KPNA5: variants seen among roughly 807,000 people sequenced by gnomAD.
KPNA5 encodes the protein karyopherin subunit alpha 5, also known as importin subunit alpha-6.
Under a neutral mutation model 71.3 loss-of-function variants are expected in KPNA5, and 46 were observed. That is an observed-to-expected ratio of 0.65 (90% confidence interval 0.51 to 0.83). The LOEUF (loss-of-function observed/expected upper bound fraction) is 0.83. Ranked by LOEUF, KPNA5 falls within the 40% of genes least tolerant of loss-of-function variation. The pLI, the probability that KPNA5 is intolerant of heterozygous loss-of-function variation, is 0.00. For missense variants in KPNA5, 547 were observed against 628.3 expected (o/e 0.87, Z 1.38); for synonymous variants, 207 against 201.4 (o/e 1.03, Z -0.24).
chr6:116,713,857 G>A (rs1778792335), intron 7 of KPNA5, among the ~76,000 whole-genome samples: 1 of 152,054 alleles, frequency 6.6e-6, no homozygotes, highest in Non-Finnish European at 1.5e-5. Context: ...TATACTTACA[G>A]CTTCATAATT....
At chr6:116,714,417 C>G (rs577284573) in intron 7 of KPNA5, among the ~76,000 whole-genome samples, 6 of 152,278 alleles carry the variant, frequency 3.9e-5, no homozygotes, top group Admixed American at 3.9e-4. Context: ...ATTGAGCCAC[C>G]TCTTCAATTC....
intron 5 of KPNA5, among the ~76,000 whole-genome samples, chr6:116,699,720 T>C (rs1246752432): frequency 6.6e-6 from 1 of 152,218 alleles, no homozygotes; most frequent in African/African-American, 2.4e-5. Flanking sequence ...TGAAATCTGG[T>C]TCCATTCCTT....
chr6:116,697,057 T>G (rs1268308185), intron 4 of KPNA5, among the ~76,000 whole-genome samples: 1 of 152,020 alleles, frequency 6.6e-6, no homozygotes, highest in Non-Finnish European at 1.5e-5. Context: ...CTTCCTTCTC[T>G]CTCATCTCTT....
chr6:116,693,181 T>C (rs1171090456), intron 4 of KPNA5, among the ~76,000 whole-genome samples: 1 of 152,206 alleles, frequency 6.6e-6, no homozygotes, highest in Non-Finnish European at 1.5e-5. Context: ...TTGTGAATAG[T>C]GCCGCAATGA....
intron 11 of KPNA5, among the ~76,000 whole-genome samples, 153 bp from the exon 12 acceptor site, chr6:116,726,342 A>G (rs1779286070): frequency 6.6e-6 from 1 of 152,034 alleles, no homozygotes; most frequent in African/African-American, 2.4e-5. Context: ...AATATTTGAA[A>G]AGTTTGCTGA....
Position 116,722,109 on chromosome 6 carries a change from T to C in KPNA5, c.757-17T>C. 3 of 1,470,100 alleles carry C rather than the reference T, an allele frequency of 2.0e-6. No homozygotes were observed. The highest frequency in any genetic ancestry group is 1.4e-5 in the African/African-American group (1 of 70,798). The allele number at this position is 1,470,100 out of a possible 1,614,324, so 91.1% of individuals were successfully genotyped here. On this transcript the variant is annotated splice_polypyrimidine_tract_variant and intron_variant, in intron 8 of 13. Coordinates refer to ENST00000368564, the MANE Select transcript of KPNA5 (RefSeq NM_001366306.2). ...AAATAGAGAAAAAATTTAAATATGC[T>C]CTTTCTTCCCTTACAGGTTTCACCT...
At chr6:116,732,071 T>G (rs1779502556) in intron 13 of KPNA5, 65 bp from the exon 14 acceptor site, 1 of 117,870 alleles carries the variant, frequency 8.5e-6, no homozygotes. Flanking sequence ...AGTAACAGTT[T>G]GTTTATATAT....
intron 9 of KPNA5, among the ~76,000 whole-genome samples, chr6:116,723,147 T>A (rs764494986): frequency 2.0e-5 from 3 of 152,066 alleles, no homozygotes; most frequent in Non-Finnish European, 2.9e-5. Context: ...TTGGCTGATA[T>A]AGGGAGGTTA....
At chr6:116,685,412 T>C (rs1258567380) in intron 1 of KPNA5, among the ~76,000 whole-genome samples, 1 of 152,130 alleles carries the variant, frequency 6.6e-6, no homozygotes, top group Admixed American at 6.5e-5. Context: ...CAATAGTTAT[T>C]TTTTCTGCAT....
chr6:116,685,588 C>G (rs540048817), intron 1 of KPNA5, among the ~76,000 whole-genome samples: 2 of 152,264 alleles, frequency 1.3e-5, no homozygotes, highest in South Asian at 2.1e-4. Context: ...TCCTCTAGCT[C>G]CATTCATGTT....
At chr6:116,699,799 A>G (rs1310740761) in intron 5 of KPNA5, among the ~76,000 whole-genome samples, 1 of 152,176 alleles carries the variant, frequency 6.6e-6, no homozygotes, top group African/African-American at 2.4e-5. Flanking sequence ...TTTAATTCCA[A>G]TTGAATGAAA....
intron 7 of KPNA5, among the ~76,000 whole-genome samples, chr6:116,706,691 G>GATA (rs941409504): frequency 1.3e-5 from 2 of 151,662 alleles, no homozygotes; most frequent in Admixed American, 6.6e-5. Context: ...CTCCATTTCA[G>GATA]ATAATAATAA....
rs1359409490 is a variant in KPNA5 at position 116,733,432 on chromosome 6, CT to C, written c.*1115del. 1 of 151,510 alleles carries C rather than the reference CT, an allele frequency of 6.6e-6. No homozygotes were observed. Among genetic ancestry groups the C allele is most frequent in the Non-Finnish European group, 1.5e-5 (1 of 67,678 alleles). 9.4% of individuals were successfully genotyped at this position (151,510 alleles called of 1,614,324 possible). ...TTTAATATGGTTCAAATCTATAAGA[CT>C]TTTTTCTTTTAGTAATACTCAGAGG... On this transcript the variant is annotated 3_prime_UTR_variant, in exon 14 of 14. Coordinates refer to ENST00000368564, the MANE Select transcript of KPNA5 (RefSeq NM_001366306.2).
intron 8 of KPNA5, among the ~76,000 whole-genome samples, chr6:116,719,140 C>T (rs1047798345): frequency 6.6e-6 from 1 of 152,184 alleles, no homozygotes; most frequent in African/African-American, 2.4e-5. Flanking sequence ...TTGTCTTGCT[C>T]TCTGGTTGCT....
intron 10 of KPNA5, among the ~76,000 whole-genome samples, chr6:116,725,543 A>C (rs796654377): frequency 2.0e-4 from 30 of 152,292 alleles, no homozygotes; most frequent in African/African-American, 7.0e-4. Context: ...TATTGGGTTG[A>C]GAACAGGGCA....
chr6:116,729,882 A>G (rs1779421866), intron 13 of KPNA5, 141 bp downstream of exon 13: 1 of 450,358 alleles, frequency 2.2e-6, no homozygotes, highest in Admixed American at 4.0e-5. Context: ...TAATTTTATT[A>G]CCCTAACAAT....
In KPNA5 at chr6:116,710,940, G is replaced by A. The variant is rs779726831; in HGVS notation, c.657-5279G>A. Among the ~76,000 whole-genome samples the A allele has an allele frequency of 1.9e-3, 258 of 133,968 alleles. 1 individual carries two copies. Among genetic ancestry groups the A allele is most frequent in the Middle Eastern group, 4.3e-3 (1 of 234 alleles). The allele number at this position is 133,968 out of a possible 152,430, so 87.9% of individuals were successfully genotyped here. A position where few individuals can be genotyped will look rare whatever the true frequency, so the allele number is the denominator to read the frequency against. ...GTTGGAGTCTTGCTCTGTTGCACAG[G>A]CTGGAGTGTAATGGCATGATCTCGA... On this transcript the variant is annotated intron_variant, in intron 7 of 13. Transcript: ENST00000368564.
intron 1 of KPNA5, among the ~76,000 whole-genome samples, chr6:116,685,280 T>G (rs1324448268): frequency 3.9e-5 from 6 of 152,326 alleles, no homozygotes; most frequent in East Asian, 3.9e-4. Flanking sequence ...TTGTTGGTTT[T>G]GTTGTTGTTG....
chr6:116,702,470 G>A (rs577784682), intron 6 of KPNA5, among the ~76,000 whole-genome samples: 94 of 152,218 alleles, frequency 6.2e-4, no homozygotes, highest in African/African-American at 2.2e-3. Context: ...ATCACTTGAG[G>A]CCAGGAGTTT....
Sources: allele counts gnomAD v4.1 joint callset (sites outside exome capture counted in the v4.1 genomes callset), GRCh38; gene constraint gnomAD v4.1.1; transcripts MANE v1.5; gene names NCBI Gene and HGNC (gene_info 2026-07-23, HGNC 2026-07-21).